Variants in MYO5A observed in about 807,000 individuals in gnomAD.
The protein encoded by MYO5A is myosin VA.
A neutral mutation model predicts 249.7 loss-of-function variants in MYO5A; 98 were observed. The ratio of observed to expected loss-of-function variants is 0.39; its 90% confidence interval spans 0.33 to 0.46. The LOEUF (loss-of-function observed/expected upper bound fraction) is 0.46, where lower values mean the gene tolerates loss of function less well. Among genes scored for constraint, MYO5A ranks in the 20% least tolerant of loss-of-function variants. MYO5A has a pLI of 0.98. For missense variants in MYO5A, 1,696 were observed against 2,308.8 expected, an observed-to-expected ratio of 0.73 and a Z score of 5.44; for synonymous variants, 778 against 810.6, an observed-to-expected ratio of 0.96 and a Z score of 0.68.
intron 32 of MYO5A, 76 bp downstream of exon 32, chr15:52,340,120 C>T (rs955296867): frequency 8.6e-6 from 13 of 1,511,958 alleles, no homozygotes; most frequent in South Asian, 1.2e-5. Context: ...AAGAAAAACC[C>T]GTGTTTGATC....
At position 52,379,682 on chromosome 15, in the gene MYO5A, T is replaced by C. The variant is rs556248889; in HGVS notation, c.2151A>G (p.Lys717=). ...TTTGCTTTCTGTCACTCAGCACATC[T>C]TTCTGCTTCATTAGGACACGGTAGC... ...FSRYRVLMKQ[K]DVLSDRKQTC... Residue 717 remains lysine, a synonymous_variant, in exon 18 of 42, where the codon AAA becomes AAG. Transcript: ENST00000399233. 8 of 1,614,234 alleles carry C rather than the reference T, an allele frequency of 5.0e-6. No homozygotes were observed. Among genetic ancestry groups the C allele is most frequent in the Middle Eastern group, 1.6e-4 (1 of 6,062 alleles).
chr15:52,519,749 G>T (rs1253564132), intron 1 of MYO5A, among the ~76,000 whole-genome samples: 26 of 147,668 alleles, frequency 1.8e-4, no homozygotes, highest in Non-Finnish European at 2.1e-4. Context: ...TTTTTTTTTT[G>T]AGACAGAGTC....
intron 5 of MYO5A, among the ~76,000 whole-genome samples, chr15:52,414,769 A>G (rs2043403603): frequency 6.6e-6 from 1 of 152,116 alleles, no homozygotes; most frequent in Non-Finnish European, 1.5e-5. Flanking sequence ...CCAAACCAAA[A>G]ACTGGCTCCA....
chr15:52,516,521 C>A lies in MYO5A; in HGVS notation c.27+12259G>T, dbSNP rs1283865059. ...TATGCCTTTAATGTCTAAGGCTCCA[C>A]ACAATCAACCCTTGCCCAGGTCTGT... On this transcript the variant is annotated intron_variant, in intron 1 of 41. Coordinates refer to ENST00000399233, the MANE Select transcript of MYO5A (RefSeq NM_001382347.1). Among the ~76,000 whole-genome samples, 8 of 152,322 alleles carry A rather than the reference C, an allele frequency of 5.3e-5. No homozygotes were observed. In the East Asian group the frequency reaches 1.5e-3, roughly 29 times the overall value.
chr15:52,425,265 T>C (rs1257130164), intron 4 of MYO5A, among the ~76,000 whole-genome samples: 1 of 152,230 alleles, frequency 6.6e-6, no homozygotes, highest in Non-Finnish European at 1.5e-5. Flanking sequence ...AACATCTGCA[T>C]CTGTCTTTTC....
intron 21 of MYO5A, among the ~76,000 whole-genome samples, chr15:52,371,604 C>T (rs1040274862): frequency 6.6e-6 from 1 of 151,992 alleles, no homozygotes; most frequent in African/African-American, 2.4e-5. Context: ...AAAATAATTT[C>T]CTGCCAGGCA....
At chr15:52,323,267 T>C in intron 37 of MYO5A, 88 bp downstream of exon 37, 2 of 1,208,032 alleles carry the variant, frequency 1.7e-6, no homozygotes, top group Non-Finnish European at 2.4e-6. Context: ...CCTAAATAAA[T>C]GGTTAAACAT....
intron 32 of MYO5A, among the ~76,000 whole-genome samples, chr15:52,338,370 C>CG (rs2039223164): frequency 6.6e-6 from 1 of 151,898 alleles, no homozygotes; most frequent in Admixed American, 6.6e-5. Context: ...AAAGACAGCA[C>CG]GGGGGAGGCC....
In MYO5A at chr15:52,407,321, G is replaced by A. The variant is rs771826580; in HGVS notation, c.917C>T (p.Ala306Val). ...CAAAGTGCAGGCCTGCCTAGTATGT[G>A]CCATCTCCTTTGCATCATCCACTCC... ...IEGVDDAKEM[A>V]HTRQACTLLG... is the part of the protein sequence containing the mutation. The change falls in exon 8 of 42, where the codon GCA (alanine) becomes GTA (valine). Residue 306 changes from alanine to valine, a missense_variant. This residue lies in a region of MYO5A where 185 missense variants were observed against 204.8 expected (regional missense o/e 0.90). Coordinates refer to ENST00000399233, the MANE Select transcript of MYO5A (RefSeq NM_001382347.1). The A allele has an allele frequency of 6.2e-7, 1 of 1,613,430 alleles. No individual in the cohort carries two copies.
chr15:52,323,929 A>G (rs73408415), intron 36 of MYO5A: 14,939 of 181,736 alleles, frequency 0.082, 2,174 homozygotes, highest in African/African-American at 0.33. Flanking sequence ...ACTTAAATCC[A>G]GGAGGCGGAG....
In MYO5A at chr15:52,310,320, G is replaced by C. The variant is rs2037736884; in HGVS notation, c.*3376C>G. ...TAGAGTTACTCTCAGGCAGATCAAA[G>C]CCTTAACCTGAGGAAAAGCTGCAAA... is the stretch of plus-strand genomic sequence containing the variant. On this transcript the variant is annotated 3_prime_UTR_variant, in exon 42 of 42. Transcript: ENST00000399233. 6.6e-6 allele frequency: 1 copy of C among 152,190 alleles called. No individual in the cohort carries two copies. The highest frequency in any genetic ancestry group is 6.5e-5 in the Admixed American group (1 of 15,284). 9.4% of individuals were successfully genotyped at this position (152,190 alleles called of 1,614,324 possible).
intron 5 of MYO5A, among the ~76,000 whole-genome samples, chr15:52,411,306 T>A (rs1371428716): frequency 6.6e-6 from 1 of 152,198 alleles, no homozygotes; most frequent in Non-Finnish European, 1.5e-5. Context: ...GTTAGACTAT[T>A]TATTAGTAGA....
intron 1 of MYO5A, among the ~76,000 whole-genome samples, chr15:52,436,081 C>T (rs1366928929): frequency 6.6e-6 from 1 of 152,184 alleles, no homozygotes; most frequent in Non-Finnish European, 1.5e-5. Context: ...CCACACCTGG[C>T]TACTTTTTTG....
chr15:52,440,458 G>C (rs1361216558), intron 1 of MYO5A, among the ~76,000 whole-genome samples: 2 of 152,228 alleles, frequency 1.3e-5, no homozygotes, highest in East Asian at 1.9e-4. Context: ...AGTAGAGACG[G>C]GGCTTCGCCA....
intron 1 of MYO5A, chr15:52,505,114 C>A: frequency 1.5e-6 from 1 of 673,306 alleles, no homozygotes; most frequent in Non-Finnish European, 2.7e-6. Flanking sequence ...ACAAAAGGTC[C>A]AAGGACAATC....
chr15:52,393,142 G>T (rs995975445), intron 11 of MYO5A, among the ~76,000 whole-genome samples: 10 of 152,134 alleles, frequency 6.6e-5, no homozygotes, highest in African/African-American at 2.4e-4. Context: ...CTCATTCTTG[G>T]GGAGTTTCTG....
intron 31 of MYO5A, among the ~76,000 whole-genome samples, chr15:52,341,241 T>C (rs181348039): frequency 1.4e-4 from 22 of 152,326 alleles, no homozygotes; most frequent in Non-Finnish European, 2.9e-4. Context: ...CAGCCTTATA[T>C]ATACAGATTT....
At chr15:52,509,321 T>C (rs1248162731) in intron 1 of MYO5A, among the ~76,000 whole-genome samples, 1 of 152,190 alleles carries the variant, frequency 6.6e-6, no homozygotes, top group Non-Finnish European at 1.5e-5. Flanking sequence ...TCATATTGGG[T>C]TGGAAAACCA....
chr15:52,314,748 A>G (rs2037914759), intron 40 of MYO5A, among the ~76,000 whole-genome samples: 1 of 152,236 alleles, frequency 6.6e-6, no homozygotes, highest in African/African-American at 2.4e-5. Flanking sequence ...TTAATCAATT[A>G]GAGAGTATGA....
Sources: allele counts gnomAD v4.1 joint callset (sites outside exome capture counted in the v4.1 genomes callset), GRCh38; gene constraint gnomAD v4.1.1; regional missense constraint gnomAD v4.1.1; transcripts MANE v1.5; gene names NCBI Gene and HGNC (gene_info 2026-07-23, HGNC 2026-07-21).